The following MGAT4C variants were observed in gnomAD, a reference collection of about 807,000 sequenced individuals.
MGAT4C encodes the protein MGAT4 family member C.
MGAT4C carries 19 observed loss-of-function variants against 40.1 expected under a neutral mutation model. The ratio of observed to expected loss-of-function variants is 0.47; its 90% confidence interval spans 0.33 to 0.70. The LOEUF (loss-of-function observed/expected upper bound fraction) is 0.70. Ranked by LOEUF, MGAT4C falls within the 30% of genes least tolerant of loss-of-function variation. MGAT4C has a pLI of 0.02. For missense variants in MGAT4C, 491 were observed against 563.2 expected (o/e 0.87, Z 1.30); for synonymous variants, 181 against 187.1 (o/e 0.97, Z 0.27).
At chr12:86,176,920 CA>C (rs1443136606) in intron 1 of MGAT4C, among the ~76,000 whole-genome samples, 3 of 150,132 alleles carry the variant, frequency 2.0e-5, no homozygotes, top group Non-Finnish European at 3.0e-5. Context: ...GAATATGTAT[CA>C]AAAGCTTACT....
chr12:86,734,533 T>C (rs1437567174), intron 1 of MGAT4C, among the ~76,000 whole-genome samples: 1 of 152,006 alleles, frequency 6.6e-6, no homozygotes, highest in Admixed American at 6.6e-5. Context: ...GGTAGAGCCT[T>C]TGATAAGTGA....
At chr12:86,052,003 T>C (rs1041795591) in intron 1 of MGAT4C, among the ~76,000 whole-genome samples, 3 of 151,764 alleles carry the variant, frequency 2.0e-5, no homozygotes, top group Non-Finnish European at 2.9e-5. Context: ...TTTCTATAAA[T>C]TGGCTAATAG....
At chr12:85,983,113 C>CTAGGAAACTAGGAAA (rs764848398) in intron 4 of MGAT4C, among the ~76,000 whole-genome samples, 10,757 of 152,052 alleles carry the variant, frequency 0.071, 529 homozygotes, top group Middle Eastern at 0.24. Context: ...TTATGGCAGA[C>CTAGGAAACTAGGAAA]CTAGGAAACT....
At position 85,961,221 on chromosome 12, in the gene MGAT4C, C is replaced by T. The variant is rs1883095979; in HGVS notation, c.*18068G>A. On this transcript the variant is annotated 3_prime_UTR_variant, in exon 5 of 5. Coordinates refer to ENST00000611864, the MANE Select transcript of MGAT4C (RefSeq NM_001351288.2). ...CCAGTCATTCTTGAGACTGTCAACTCTATGGGCATTGTTTAGCAGCCTCGA... is the reference window on the plus strand; with the variant it reads ...CCAGTCATTCTTGAGACTGTCAACTTTATGGGCATTGTTTAGCAGCCTCGA... The T allele has an allele frequency of 6.6e-6, 1 of 151,836 alleles. No homozygotes were observed. Among genetic ancestry groups the T allele is most frequent in the Admixed American group, 6.6e-5 (1 of 15,196 alleles). The allele number at this position is 151,836 out of a possible 1,614,324, so 9.4% of individuals were successfully genotyped here. A position where few individuals can be genotyped will look rare whatever the true frequency, so the allele number is the denominator to read the frequency against.
intron 2 of MGAT4C, among the ~76,000 whole-genome samples, chr12:86,493,968 C>T (rs1169349611): frequency 6.6e-6 from 1 of 151,596 alleles, no homozygotes; most frequent in Non-Finnish European, 1.5e-5. Context: ...TTTTTAAGTA[C>T]TACTTTATTG....
rs371618496 is a variant in MGAT4C, at chr12:86,678,333, A to G, written c.-229+48876T>C. Among the ~76,000 whole-genome samples the G allele has an allele frequency of 4.6e-5, 7 of 151,888 alleles. No homozygotes were observed. In the South Asian group the frequency reaches 1.5e-3, roughly 32 times the overall value. ...ATGTGATGGCTCAGTAGGCCTTTTGATTTGTCATTTCTACCTTCATCGCCT... is the reference window on the plus strand; with the variant it reads ...ATGTGATGGCTCAGTAGGCCTTTTGGTTTGTCATTTCTACCTTCATCGCCT... On this transcript the variant is annotated intron_variant, in intron 2 of 7. Transcript: ENST00000548651.
At chr12:86,360,391 C>A (rs1468571128) in intron 3 of MGAT4C, among the ~76,000 whole-genome samples, 4 of 152,144 alleles carry the variant, frequency 2.6e-5, no homozygotes, top group Non-Finnish European at 4.4e-5. Flanking sequence ...ACTGAATGGG[C>A]AAAAACTGGA....
chr12:86,291,730 G>T (rs891526701), intron 4 of MGAT4C, among the ~76,000 whole-genome samples: 2 of 152,132 alleles, frequency 1.3e-5, no homozygotes, highest in African/African-American at 2.4e-5. Flanking sequence ...ATAGGTATCA[G>T]GTTGGTGCAA....
At chr12:86,104,432 C>T (rs1179027213) in intron 1 of MGAT4C, among the ~76,000 whole-genome samples, 2 of 151,748 alleles carry the variant, frequency 1.3e-5, no homozygotes, top group African/African-American at 2.4e-5. Context: ...AGAACAAGAC[C>T]CTGTCTCAAG....
chr12:86,294,785 T>C (rs934992810), intron 4 of MGAT4C, among the ~76,000 whole-genome samples: 2 of 152,202 alleles, frequency 1.3e-5, no homozygotes, highest in Non-Finnish European at 2.9e-5. Context: ...TTTGCAATAA[T>C]AGTATTTATT....
intron 2 of MGAT4C, among the ~76,000 whole-genome samples, chr12:86,538,731 C>A (rs1015074603): frequency 6.6e-6 from 1 of 151,776 alleles, no homozygotes; most frequent in Non-Finnish European, 1.5e-5. Flanking sequence ...CCTCAGCCTC[C>A]GGAGTAGCTG....
intron 1 of MGAT4C, among the ~76,000 whole-genome samples, chr12:86,751,798 C>G (rs561194279): frequency 1.3e-5 from 2 of 152,062 alleles, no homozygotes; most frequent in Admixed American, 6.6e-5. Context: ...CAAGCCTATC[C>G]TCCTTCAGCT....
At chr12:86,639,573 A>T (rs1247248881) in intron 2 of MGAT4C, among the ~76,000 whole-genome samples, 2 of 151,748 alleles carry the variant, frequency 1.3e-5, no homozygotes, top group Non-Finnish European at 2.9e-5. Context: ...TTATAAAATA[A>T]AATATTAAAA....
At position 86,149,249 on chromosome 12, in the gene MGAT4C, G is replaced by C. The variant is rs547831127; in HGVS notation, c.-56-99526C>G. On this transcript the variant is annotated intron_variant, in intron 1 of 4. Transcript: ENST00000611864. The stretch of plus-strand genomic sequence containing the variant: ...ATGCCTGTATTTAATGTTAAAATGA[G>C]TGGTATTCATATATTTAGTTGGGTT... Among the ~76,000 whole-genome samples the C allele has an allele frequency of 1.3e-5, 2 of 151,894 alleles. 1 individual carries two copies. Among genetic ancestry groups the C allele is most frequent in the African/African-American group, 4.8e-5 (2 of 41,430 alleles).
chr12:86,039,666 C>G (rs1459016462), intron 2 of MGAT4C, among the ~76,000 whole-genome samples: 1 of 152,112 alleles, frequency 6.6e-6, no homozygotes, highest in East Asian at 1.9e-4. Flanking sequence ...TTGGTTAGAA[C>G]ACGCTCCTTT....
intron 1 of MGAT4C, among the ~76,000 whole-genome samples, chr12:86,250,430 A>G (rs187435871): frequency 2.6e-5 from 4 of 152,188 alleles, no homozygotes; most frequent in African/African-American, 9.6e-5. Flanking sequence ...ACAGAACGTC[A>G]TGAGTAAAGA....
In MGAT4C at chr12:86,327,509, A is replaced by T. The variant is rs184263683; in HGVS notation, c.-57+6556T>A. On this transcript the variant is annotated intron_variant, in intron 4 of 7. Coordinates refer to the MGAT4C transcript ENST00000548651. Reference sequence around the variant, plus strand: ...GGTGTTCTTTGAAAACTTGTGGTTCATGAGTTTGCTTGTTAATGCAAACCA... The same window carrying T: ...GGTGTTCTTTGAAAACTTGTGGTTCTTGAGTTTGCTTGTTAATGCAAACCA... 2.3e-3 allele frequency among the ~76,000 whole-genome samples: 355 copies of T among 152,192 alleles called. 1 individual carries two copies. Among genetic ancestry groups the T allele is most frequent in the African/African-American group, 7.9e-3 (329 of 41,560 alleles).
intron 2 of MGAT4C, among the ~76,000 whole-genome samples, chr12:86,552,695 ATAGAAT>A (rs1371448500): frequency 2.6e-5 from 4 of 152,142 alleles, no homozygotes; most frequent in Non-Finnish European, 5.9e-5. Flanking sequence ...TACAAAATAA[ATAGAAT>A]TAGGAAGGTA....
intron 1 of MGAT4C, among the ~76,000 whole-genome samples, chr12:86,203,182 A>G (rs1299358811): frequency 6.6e-6 from 1 of 152,064 alleles, no homozygotes; most frequent in Non-Finnish European, 1.5e-5. Flanking sequence ...GATCTTCTGT[A>G]TTTTGTTTAG....
Sources: allele counts gnomAD v4.1 joint callset (sites outside exome capture counted in the v4.1 genomes callset), GRCh38; gene constraint gnomAD v4.1.1; transcripts MANE v1.5; gene names NCBI Gene and HGNC (gene_info 2026-07-23, HGNC 2026-07-21).